NAV2: variants seen among roughly 807,000 people sequenced by gnomAD.
NAV2 encodes the protein neuron navigator 2.
NAV2 carries 54 observed loss-of-function variants against 223.2 expected under a neutral mutation model. The observed-to-expected ratio is 0.24, with a 90% CI of 0.19 to 0.30. The LOEUF is 0.30. Ranked by LOEUF, NAV2 falls within the 10% of genes least tolerant of loss-of-function variation. NAV2 has a pLI of 1.00. For synonymous variants in NAV2, 1,279 were observed against 1,239.3 expected, an observed-to-expected ratio of 1.03 and a Z score of -0.67; for missense variants, 2,806 against 3,147.5, an observed-to-expected ratio of 0.89 and a Z score of 2.60.
chr11:19,680,881 C>T (rs7931452), intron 1 of NAV2, among the ~76,000 whole-genome samples: 18,749 of 152,200 alleles, frequency 0.12, 2,351 homozygotes, highest in African/African-American at 0.32. Context: ...TAAAGCCAAA[C>T]AATCAAGGGC....
At chr11:20,022,634 C>T (rs1415965829) in intron 11 of NAV2, 20 of 988,704 alleles carry the variant, frequency 2.0e-5, no homozygotes, top group Non-Finnish European at 2.3e-5. Flanking sequence ...ATTTTTGCAT[C>T]ATTAAAAGTA....
chr11:19,440,394 A>G (rs1851357500), intron 1 of NAV2, among the ~76,000 whole-genome samples: 1 of 152,124 alleles, frequency 6.6e-6, no homozygotes. Context: ...GAGTTAGGCA[A>G]AGGGAAAGGT....
chr11:19,779,304 C>T (rs1425711155), intron 1 of NAV2, among the ~76,000 whole-genome samples: 1 of 152,180 alleles, frequency 6.6e-6, no homozygotes, highest in Non-Finnish European at 1.5e-5. Flanking sequence ...CCGTGTATCC[C>T]ACTGCCCCAG....
chr11:19,469,020 T>C (rs2041874181), intron 1 of NAV2, among the ~76,000 whole-genome samples: 1 of 152,218 alleles, frequency 6.6e-6, no homozygotes, highest in African/African-American at 2.4e-5. Context: ...ATTAATCTCA[T>C]GATTAAATGA....
chr11:19,668,277 C>A (rs1230274738), intron 1 of NAV2, among the ~76,000 whole-genome samples: 1 of 152,170 alleles, frequency 6.6e-6, no homozygotes, highest in Non-Finnish European at 1.5e-5. Context: ...GTGGCTTACG[C>A]CTGTAATCTC....
intron 1 of NAV2, chr11:19,591,282 G>C (rs1181788322): frequency 6.6e-6 from 1 of 152,180 alleles, no homozygotes. Context: ...TTCTCTTTGA[G>C]AATGGGGCAT....
chr11:20,092,096 G>T (rs2060892382), intron 27 of NAV2, 110 bp from the exon 28 acceptor site: 9 of 1,025,628 alleles, frequency 8.8e-6, no homozygotes, highest in Non-Finnish European at 1.2e-5. Flanking sequence ...GTTCGCCTTG[G>T]GTGGAAGACC....
chr11:19,760,061 A>T (rs2054610113), intron 1 of NAV2: 1 of 153,138 alleles, frequency 6.5e-6, no homozygotes, highest in African/African-American at 2.4e-5. Context: ...AGGCAAATGG[A>T]TAGGATAACA....
chr11:19,385,067 AC>A (rs1848984319), intron 1 of NAV2: 1 of 152,202 alleles, frequency 6.6e-6, no homozygotes, highest in Non-Finnish European at 1.5e-5. Context: ...TGACTATTAA[AC>A]ACACAAAAAG....
chr11:19,656,080 G>A (rs957094050), intron 1 of NAV2, among the ~76,000 whole-genome samples: 10 of 152,092 alleles, frequency 6.6e-5, no homozygotes, highest in African/African-American at 1.4e-4. Flanking sequence ...AAACCTTTCC[G>A]TGAAGGGGCT....
At chr11:19,501,313 G>C (rs2042956006) in intron 1 of NAV2, among the ~76,000 whole-genome samples, 1 of 152,122 alleles carries the variant, frequency 6.6e-6, no homozygotes, top group African/African-American at 2.4e-5. Context: ...CCAGCAACTA[G>C]GGTGTGGTTA....
chr11:19,671,049 T>C (rs1407785147), intron 1 of NAV2, among the ~76,000 whole-genome samples: 1 of 152,232 alleles, frequency 6.6e-6, no homozygotes, highest in Non-Finnish European at 1.5e-5. Context: ...CCGGGGTGCA[T>C]GCTAAGTGCA....
At chr11:19,534,355 G>A (rs1482830217) in intron 1 of NAV2, among the ~76,000 whole-genome samples, 1 of 152,184 alleles carries the variant, frequency 6.6e-6, no homozygotes, top group Non-Finnish European at 1.5e-5. Flanking sequence ...GTGCATGGTT[G>A]TAATCATGGG....
At chr11:19,543,848 G>A (rs1426772319) in intron 1 of NAV2, among the ~76,000 whole-genome samples, 2 of 152,004 alleles carry the variant, frequency 1.3e-5, no homozygotes, top group Non-Finnish European at 2.9e-5. Flanking sequence ...TCCTCTTATA[G>A]CTCCCCAAGT....
chr11:19,395,456 G>A (rs1036747242), intron 1 of NAV2, among the ~76,000 whole-genome samples: 1 of 152,244 alleles, frequency 6.6e-6, no homozygotes, highest in Non-Finnish European at 1.5e-5. Flanking sequence ...GGCCAGACAT[G>A]GTTGAGGCCA....
chr11:19,456,196 G>C (rs938093295), intron 1 of NAV2, among the ~76,000 whole-genome samples: 2 of 152,176 alleles, frequency 1.3e-5, no homozygotes, highest in African/African-American at 2.4e-5. Flanking sequence ...GAAAGTAAAA[G>C]AGCGTGCATT....
intron 1 of NAV2, among the ~76,000 whole-genome samples, chr11:19,801,497 G>T (rs1410824457): frequency 1.3e-5 from 2 of 152,198 alleles, no homozygotes; most frequent in Non-Finnish European, 2.9e-5. Flanking sequence ...CCTCTCTGAG[G>T]CTTACGTCTG....
chr11:19,350,557 T>A (rs1237141742), upstream of NAV2, among the ~76,000 whole-genome samples: 2 of 152,220 alleles, frequency 1.3e-5, no homozygotes, highest in Non-Finnish European at 2.9e-5. Flanking sequence ...CCATTTACAT[T>A]GTTATTGACA....
chr11:20,027,500 C>A, intron 11 of NAV2: 1 of 970,050 alleles, frequency 1.0e-6, no homozygotes, highest in Non-Finnish European at 1.2e-6. Context: ...CACAGCTGCG[C>A]AGTGTGAGCT....
Sources: allele counts gnomAD v4.1 joint callset (sites outside exome capture counted in the v4.1 genomes callset), GRCh38; gene constraint gnomAD v4.1.1; transcripts MANE v1.5; gene names NCBI Gene and HGNC (gene_info 2026-07-23, HGNC 2026-07-21).